BOLL: variants seen among roughly 807,000 people sequenced by gnomAD.
The protein encoded by BOLL is boule RNA binding protein.
A neutral mutation model predicts 44.4 loss-of-function variants in BOLL; 23 were observed. That is an observed-to-expected ratio of 0.52 (90% CI 0.37 to 0.73). BOLL has a LOEUF of 0.73. BOLL is among the 30% of genes least tolerant of loss of function. The pLI, the probability that BOLL is intolerant of heterozygous loss-of-function variation, is 0.00. For synonymous variants in BOLL, 97 were observed against 110.8 expected (o/e 0.88, Z 0.78); for missense variants, 287 against 338.3 (o/e 0.85, Z 1.19).
At chr2:197,784,806 C>T in intron 1 of BOLL, 1 of 987,574 alleles carries the variant, frequency 1.0e-6, no homozygotes, top group South Asian at 4.7e-5. Context: ...ATTAGCGATG[C>T]ATTGAGTTAA....
At chr2:197,732,663 A>T (rs1687253604) in intron 10 of BOLL, among the ~76,000 whole-genome samples, 1 of 150,536 alleles carries the variant, frequency 6.6e-6, no homozygotes, top group African/African-American at 2.4e-5. Context: ...AATATACGCA[A>T]ATCAATAAAT....
chr2:197,750,271 G>A (rs892730450), intron 9 of BOLL, among the ~76,000 whole-genome samples: 6 of 152,116 alleles, frequency 3.9e-5, no homozygotes, highest in Admixed American at 6.5e-5. Flanking sequence ...ACATCACAAC[G>A]ACAGGATCAA....
chr2:197,741,747 C>T (rs961350160), intron 10 of BOLL, among the ~76,000 whole-genome samples: 1 of 152,054 alleles, frequency 6.6e-6, no homozygotes, highest in Non-Finnish European at 1.5e-5. Context: ...AGGACATAGG[C>T]ATGGGCAAGG....
chr2:197,783,169 A>G (rs1200417018), intron 1 of BOLL, among the ~76,000 whole-genome samples: 71 of 152,198 alleles, frequency 4.7e-4, no homozygotes, highest in Admixed American at 4.6e-3. Flanking sequence ...AAAAACTTGA[A>G]GTAAACTGGG....
At chr2:197,766,212 T>A (rs1688991945) in intron 7 of BOLL, among the ~76,000 whole-genome samples, 1 of 151,974 alleles carries the variant, frequency 6.6e-6, no homozygotes, top group African/African-American at 2.4e-5. Context: ...GTAACGGGTC[T>A]AATGGTAGTT....
intron 7 of BOLL, among the ~76,000 whole-genome samples, chr2:197,764,148 A>G (rs1320486720): frequency 1.3e-5 from 2 of 152,246 alleles, no homozygotes; most frequent in African/African-American, 4.8e-5. Context: ...AAGAAACTAC[A>G]AATAGAACTA....
intron 7 of BOLL, among the ~76,000 whole-genome samples, chr2:197,759,714 C>G (rs1231205095): frequency 6.6e-6 from 1 of 152,174 alleles, no homozygotes; most frequent in Non-Finnish European, 1.5e-5. Context: ...AACAATCTGG[C>G]TGACCTGCCC....
intron 9 of BOLL, among the ~76,000 whole-genome samples, chr2:197,752,055 G>C (rs1436934771): frequency 6.6e-6 from 1 of 152,082 alleles, no homozygotes; most frequent in Non-Finnish European, 1.5e-5. Context: ...AAAACCACAT[G>C]ATTATCTCAA....
intron 9 of BOLL, among the ~76,000 whole-genome samples, chr2:197,749,209 TC>T (rs1414510510): frequency 6.6e-6 from 1 of 151,950 alleles, no homozygotes; most frequent in Non-Finnish European, 1.5e-5. Context: ...AAAAAGGACA[TC>T]CACGCAAAAA....
rs1233153847 is a variant in BOLL at position 197,727,807 on chromosome 2, ATTATG to A, written c.*743_*747del. Reference sequence around the variant, plus strand: ...TTTTATAAAATTTGATACCAAATAAATTATGTTATAGGAAGATTTCAATATTGTCT... The same window carrying A: ...TTTTATAAAATTTGATACCAAATAAATTATAGGAAGATTTCAATATTGTCT... On this transcript the variant is annotated 3_prime_UTR_variant, in exon 11 of 11. Transcript: ENST00000392296. 6.6e-6 allele frequency: 1 copy of A among 152,314 alleles called. No individual in the cohort carries two copies. Among genetic ancestry groups the A allele is most frequent in the African/African-American group, 2.4e-5 (1 of 41,452 alleles). The allele number at this position is 152,314 out of a possible 1,614,324, so 9.4% of individuals were successfully genotyped here.
At chr2:197,763,275 G>A (rs1357334913) in intron 7 of BOLL, among the ~76,000 whole-genome samples, 1 of 152,150 alleles carries the variant, frequency 6.6e-6, no homozygotes, top group African/African-American at 2.4e-5. Flanking sequence ...GAGGTCAGGA[G>A]ATCGAGACCA....
chr2:197,728,202 G>A lies in BOLL; in HGVS notation c.*353C>T. 1 of 380,644 alleles carries A rather than the reference G, an allele frequency of 2.6e-6. No individual in the cohort carries two copies. The highest frequency in any genetic ancestry group is 4.7e-6 in the Non-Finnish European group (1 of 214,878). The allele number at this position is 380,644 out of a possible 1,614,324, so 23.6% of individuals were successfully genotyped here. ...TATGAAACATAACATCTAATTGTTTGATAAGAAAAAATAACACAAAGCAGA... is the reference window on the plus strand; with the variant it reads ...TATGAAACATAACATCTAATTGTTTAATAAGAAAAAATAACACAAAGCAGA... On this transcript the variant is annotated 3_prime_UTR_variant, in exon 11 of 11. Transcript: ENST00000392296.
chr2:197,756,360 AAAGAG>A, intron 9 of BOLL, 63 bp downstream of exon 9: 3 of 1,367,560 alleles, frequency 2.2e-6, no homozygotes, highest in Non-Finnish European at 2.9e-6. Flanking sequence ...CAAATTTAAA[AAAGAG>A]AAAAAGAAAT....
intron 7 of BOLL, among the ~76,000 whole-genome samples, chr2:197,761,138 T>C (rs1688737729): frequency 6.6e-6 from 1 of 151,894 alleles, no homozygotes; most frequent in Non-Finnish European, 1.5e-5. Context: ...CTGGGCAACA[T>C]AGCAAGACCC....
At chr2:197,754,909 A>T (rs890061144) in intron 9 of BOLL, among the ~76,000 whole-genome samples, 13 of 152,178 alleles carry the variant, frequency 8.5e-5, no homozygotes, top group African/African-American at 2.9e-4. Context: ...GGATTTAATT[A>T]ACTAAAGAGC....
intron 2 of BOLL, among the ~76,000 whole-genome samples, chr2:197,781,401 A>C (rs1167028016): frequency 1.3e-5 from 2 of 152,188 alleles, no homozygotes; most frequent in Non-Finnish European, 2.9e-5. Flanking sequence ...AATATTAGGC[A>C]AGAAAGTATA....
intron 10 of BOLL, among the ~76,000 whole-genome samples, chr2:197,734,030 A>G (rs1347681396): frequency 1.3e-5 from 2 of 151,620 alleles, no homozygotes. Context: ...CAGGCAACCT[A>G]CAAAATGGGA....
intron 2 of BOLL, 28 bp from the exon 3 acceptor site, chr2:197,779,094 A>G: frequency 2.0e-6 from 3 of 1,511,306 alleles, no homozygotes; most frequent in Non-Finnish European, 2.7e-6. Context: ...AAACGTTAAA[A>G]AGCATTTTTA....
chr2:197,763,218 G>T (rs1068682), intron 7 of BOLL, among the ~76,000 whole-genome samples: 1 of 152,014 alleles, frequency 6.6e-6, no homozygotes, highest in Non-Finnish European at 1.5e-5. Flanking sequence ...CACGGTGGCT[G>T]ACGCCTGTAA....
Sources: allele counts gnomAD v4.1 joint callset (sites outside exome capture counted in the v4.1 genomes callset), GRCh38; gene constraint gnomAD v4.1.1; transcripts MANE v1.5; gene names NCBI Gene and HGNC (gene_info 2026-07-23, HGNC 2026-07-21).